Variants in ANKFN1 observed in about 807,000 individuals in gnomAD.
ANKFN1 encodes ankyrin repeat and fibronectin type III domain containing 1.
Under a neutral mutation model 108.7 loss-of-function variants are expected in ANKFN1, and 74 were observed. The observed-to-expected ratio is 0.68, with a 90% CI of 0.56 to 0.83. The LOEUF (loss-of-function observed/expected upper bound fraction) is 0.83, where lower values mean the gene tolerates loss of function less well. ANKFN1 is among the 40% of genes least tolerant of loss of function. The pLI, the probability that ANKFN1 is intolerant of heterozygous loss-of-function variation, is 0.00. For missense variants in ANKFN1, 1,505 were observed against 1,382.3 expected (o/e 1.09, Z -1.41); for synonymous variants, 547 against 516.2 (o/e 1.06, Z -0.81).
intron 4 of ANKFN1, among the ~76,000 whole-genome samples, chr17:56,061,054 G>A (rs555647467): frequency 2.0e-5 from 3 of 152,174 alleles, no homozygotes; most frequent in African/African-American, 7.2e-5. Flanking sequence ...CTGTGAATCT[G>A]TCTGGTCCTG....
chr17:56,113,382 G>A (rs1282628015), intron 4 of ANKFN1, among the ~76,000 whole-genome samples: 2 of 152,156 alleles, frequency 1.3e-5, no homozygotes, highest in Admixed American at 1.3e-4. Flanking sequence ...CAATGAAAAG[G>A]AGCCCCAGGC....
chr17:56,200,197 C>T (rs906961012), intron 1 of ANKFN1, among the ~76,000 whole-genome samples: 1 of 152,030 alleles, frequency 6.6e-6, no homozygotes, highest in East Asian at 1.9e-4. Flanking sequence ...GCCAAAGAAT[C>T]CAAGAAAAAG....
intron 8 of ANKFN1, among the ~76,000 whole-genome samples, chr17:56,384,009 G>A (rs1385825953): frequency 6.6e-6 from 1 of 152,056 alleles, no homozygotes; most frequent in Non-Finnish European, 1.5e-5. Flanking sequence ...ACCAAAGCCG[G>A]GCAGAGACAC....
intron 3 of ANKFN1, among the ~76,000 whole-genome samples, chr17:56,245,554 A>G (rs1917900123): frequency 6.6e-6 from 1 of 152,164 alleles, no homozygotes; most frequent in South Asian, 2.1e-4. Flanking sequence ...ATGAACTGTG[A>G]CTTGATAGCA....
At chr17:56,269,933 A>G (rs1232444640) in intron 3 of ANKFN1, among the ~76,000 whole-genome samples, 1 of 152,192 alleles carries the variant, frequency 6.6e-6, no homozygotes, top group African/African-American at 2.4e-5. Flanking sequence ...GCCTGCAAAG[A>G]GACATCCAAC....
At chr17:56,488,035 T>A (rs1263911485) in intron 18 of ANKFN1, among the ~76,000 whole-genome samples, 5 of 152,056 alleles carry the variant, frequency 3.3e-5, no homozygotes, top group Non-Finnish European at 7.4e-5. Context: ...TATATAACAC[T>A]AAGAGGGTAT....
intron 4 of ANKFN1, among the ~76,000 whole-genome samples, chr17:56,053,351 G>A (rs1457005968): frequency 1.3e-5 from 2 of 152,004 alleles, no homozygotes; most frequent in Non-Finnish European, 2.9e-5. Context: ...ATCTCCATGA[G>A]TTCAACTGTT....
At chr17:56,087,896 C>T (rs1331427291) in intron 4 of ANKFN1, among the ~76,000 whole-genome samples, 2 of 151,126 alleles carry the variant, frequency 1.3e-5, no homozygotes, top group African/African-American at 4.9e-5. Context: ...GTTTGCTGAC[C>T]TCTTCCCTGG....
intron 4 of ANKFN1, among the ~76,000 whole-genome samples, chr17:56,100,873 A>G (rs1905633814): frequency 6.6e-6 from 1 of 152,234 alleles, no homozygotes; most frequent in Non-Finnish European, 1.5e-5. Context: ...TTCCTGGATT[A>G]AGAACACAGA....
At chr17:56,223,011 AC>A (rs1345898544) in intron 2 of ANKFN1, among the ~76,000 whole-genome samples, 3 of 152,216 alleles carry the variant, frequency 2.0e-5, no homozygotes, top group Non-Finnish European at 4.4e-5. Flanking sequence ...ATGGAATCCT[AC>A]TTAGCCACTA....
intron 2 of ANKFN1, among the ~76,000 whole-genome samples, chr17:56,214,196 C>T (rs1362580512): frequency 6.6e-6 from 1 of 152,172 alleles, no homozygotes; most frequent in Non-Finnish European, 1.5e-5. Flanking sequence ...ATCCTGAAAC[C>T]TCTAGGGATG....
chr17:56,193,792 T>A (rs59654414), intron 1 of ANKFN1, among the ~76,000 whole-genome samples: 24,427 of 152,174 alleles, frequency 0.16, 3,174 homozygotes, highest in African/African-American at 0.35. Flanking sequence ...TTCATTAAAA[T>A]TAAAAATTTC....
At chr17:56,345,613 T>C (rs1034470298) in intron 4 of ANKFN1, among the ~76,000 whole-genome samples, 2 of 152,222 alleles carry the variant, frequency 1.3e-5, no homozygotes, top group African/African-American at 4.8e-5. Flanking sequence ...TATGTCATTG[T>C]GGTTTTGATT....
chr17:56,467,751 G>C (rs1397435614), intron 15 of ANKFN1, among the ~76,000 whole-genome samples: 9 of 28,536 alleles, frequency 3.2e-4, no homozygotes, highest in African/African-American at 4.1e-4. Flanking sequence ...AACAAAGAAA[G>C]AAAGAAAGAA....
At chr17:56,294,407 A>G (rs898950068) in intron 3 of ANKFN1, among the ~76,000 whole-genome samples, 3 of 152,218 alleles carry the variant, frequency 2.0e-5, no homozygotes, top group South Asian at 4.1e-4. Context: ...AGGCCACACC[A>G]TAATTCAGGT....
intron 8 of ANKFN1, among the ~76,000 whole-genome samples, chr17:56,425,941 G>A (rs553219700): frequency 2.6e-5 from 4 of 152,270 alleles, no homozygotes; most frequent in Admixed American, 2.6e-4. Flanking sequence ...CCCTAGAAGG[G>A]TGTCAGTTAG....
chr17:56,353,652 A>G (rs1251708042), intron 5 of ANKFN1, among the ~76,000 whole-genome samples, 184 bp from the exon 6 acceptor site: 1 of 152,162 alleles, frequency 6.6e-6, no homozygotes, highest in Admixed American at 6.5e-5. Context: ...TTCAATGTCC[A>G]TTAGAAATGA....
At chr17:56,153,338 C>T, upstream of ANKFN1, 3 of 706,102 alleles carry the variant, frequency 4.2e-6, no homozygotes, top group South Asian at 5.4e-5. Flanking sequence ...CTTGACCCTG[C>T]ACTGTAATCT....
chr17:56,509,470 T>C (rs759442217), intron 20 of ANKFN1, among the ~76,000 whole-genome samples: 2 of 152,342 alleles, frequency 1.3e-5, no homozygotes. Flanking sequence ...GGTCCCTTTA[T>C]GTAGCTTTCC....
Sources: gnomAD v4.1 joint callset for allele counts (sites outside exome capture counted in the v4.1 genomes callset) on GRCh38, gnomAD v4.1.1 for gene constraint, MANE v1.5 for transcripts, NCBI Gene and HGNC (gene_info 2026-07-23, HGNC 2026-07-21) for gene names.